The following INPP5A variants were observed in gnomAD, a reference collection of about 807,000 sequenced individuals.
INPP5A encodes inositol polyphosphate-5-phosphatase A.
Under a neutral mutation model 65.2 loss-of-function variants are expected in INPP5A, and 14 were observed. That is an observed-to-expected ratio of 0.21 (90% CI 0.14 to 0.34). The LOEUF (loss-of-function observed/expected upper bound fraction) is 0.34. INPP5A is among the 10% of genes least tolerant of loss of function. The pLI is 1.00. For synonymous variants in INPP5A, 207 were observed against 208.3 expected (o/e 0.99, Z 0.05); for missense variants, 431 against 545.6 (o/e 0.79, Z 2.09).
intron 8 of INPP5A, among the ~76,000 whole-genome samples, chr10:132,711,962 G>A (rs1185332824): frequency 2.6e-5 from 4 of 152,298 alleles, no homozygotes. Context: ...GGGGTCCGTG[G>A]GTGGGGCCCC....
intron 2 of INPP5A, among the ~76,000 whole-genome samples, chr10:132,626,648 C>G (rs2072187323): frequency 6.6e-6 from 1 of 152,236 alleles, no homozygotes; most frequent in African/African-American, 2.4e-5. Flanking sequence ...CTGTCAGTAT[C>G]CACAAGGTGG....
Position 132,750,574 on chromosome 10 carries a change from C to T in INPP5A, c.903+729C>T, listed in dbSNP as rs1210533682. Among the ~76,000 whole-genome samples, 6 of 152,350 alleles carry T rather than the reference C, an allele frequency of 3.9e-5. No homozygotes were observed. The East Asian group carries it at 7.7e-4, about 20-fold the overall frequency. ...AATTTTTATTTTTTATTGTGGTCTA[C>T]TTTTGTCCCATTTTTAATGTATTTA... On this transcript the variant is annotated intron_variant, in intron 11 of 15. Coordinates refer to ENST00000368594, the MANE Select transcript of INPP5A (RefSeq NM_005539.5).
Position 132,637,498 on chromosome 10 carries a change from A to C in INPP5A, c.118-8370A>C, listed in dbSNP as rs56223669. Among the ~76,000 whole-genome samples, 15 of 152,014 alleles carry C rather than the reference A, an allele frequency of 9.9e-5. No homozygotes were observed. Among genetic ancestry groups the C allele is most frequent in the African/African-American group, 3.6e-4 (15 of 41,308 alleles). ...GTGTCCTTTGGGTCCCTGATCCTCC[A>C]AATGTTCCTCCTTCTCTGCCTGTCT... On this transcript the variant is annotated intron_variant, in intron 2 of 15. Coordinates refer to ENST00000368594, the MANE Select transcript of INPP5A (RefSeq NM_005539.5). This position sits in a 1 kb window ranked among gnomAD's most constrained non-coding sequence, Gnocchi z 4.1.
At chr10:132,657,439 G>C (rs963079530) in intron 4 of INPP5A, among the ~76,000 whole-genome samples, 1 of 152,214 alleles carries the variant, frequency 6.6e-6, no homozygotes, top group Non-Finnish European at 1.5e-5. Context: ...GTGAAGTGGG[G>C]CACAGATGCC....
At chr10:132,572,995 T>C (rs1187166183) in intron 1 of INPP5A, among the ~76,000 whole-genome samples, 1 of 151,112 alleles carries the variant, frequency 6.6e-6, no homozygotes, top group East Asian at 2.0e-4. Flanking sequence ...TGTTGAGATG[T>C]TGGGGTGTGC....
chr10:132,753,399 C>T lies in INPP5A; in HGVS notation c.903+3554C>T, dbSNP rs1846533060. Among the ~76,000 whole-genome samples, 1 of 152,174 alleles carries T rather than the reference C, an allele frequency of 6.6e-6. No individual in the cohort carries two copies. The highest frequency in any genetic ancestry group is 2.4e-5 in the African/African-American group (1 of 41,432). On this transcript the variant is annotated intron_variant, in intron 11 of 15. Coordinates refer to ENST00000368594, the MANE Select transcript of INPP5A (RefSeq NM_005539.5). The surrounding 1 kb of genome is among the most constrained non-coding windows in gnomAD (Gnocchi z 5.3). ...GTCCATTGCATCCTTCATCAACCGC[C>T]GGTCTTGTACCCGTCTGACAGAAAT...
chr10:132,758,517 C>T (rs917967324), intron 11 of INPP5A, among the ~76,000 whole-genome samples: 3 of 122,452 alleles, frequency 2.4e-5, no homozygotes, highest in Non-Finnish European at 5.7e-5. Context: ...CCGGCCGACC[C>T]CACAGCCCAG....
In INPP5A at chr10:132,697,371, G is replaced by A. The variant is rs1261891175; in HGVS notation, c.371-445G>A. ...GCCCATCTGGGAGGCACCCTGCCGC[G>A]CGCTGCCTCTCTCACCATCACACAT... is the stretch of plus-strand genomic sequence containing the variant. On this transcript the variant is annotated intron_variant, in intron 5 of 15. Coordinates refer to ENST00000368594, the MANE Select transcript of INPP5A (RefSeq NM_005539.5). The surrounding 1 kb of genome is among the most constrained non-coding windows in gnomAD (Gnocchi z 5.6). Among the ~76,000 whole-genome samples, 7 of 152,260 alleles carry A rather than the reference G, an allele frequency of 4.6e-5. No individual in the cohort carries two copies. Among genetic ancestry groups the A allele is most frequent in the African/African-American group, 9.6e-5 (4 of 41,458 alleles).
At chr10:132,619,376 G>C (rs999131335) in intron 2 of INPP5A, among the ~76,000 whole-genome samples, 1 of 152,234 alleles carries the variant, frequency 6.6e-6, no homozygotes, top group African/African-American at 2.4e-5. Flanking sequence ...GGCTCAAGGG[G>C]TGGGCTTCTA....
chr10:132,647,390 T>C (rs1039000562), intron 3 of INPP5A, among the ~76,000 whole-genome samples: 6 of 152,202 alleles, frequency 3.9e-5, no homozygotes, highest in Non-Finnish European at 8.8e-5. Context: ...AGTGCTGGGA[T>C]TACAGGCATG....
chr10:132,559,098 C>G (rs140613430), intron 1 of INPP5A, among the ~76,000 whole-genome samples: 1 of 152,328 alleles, frequency 6.6e-6, no homozygotes, highest in Admixed American at 6.5e-5. Flanking sequence ...TGAGCTTGCC[C>G]GGCTGGCCAC....
Position 132,675,800 on chromosome 10 carries a change from T to C in INPP5A, c.307-14592T>C, listed in dbSNP as rs569709243. Among the ~76,000 whole-genome samples the C allele has an allele frequency of 6.6e-6, 1 of 152,246 alleles. No homozygotes were observed. The highest frequency in any genetic ancestry group is 2.1e-4 in the South Asian group (1 of 4,818). On this transcript the variant is annotated intron_variant, in intron 4 of 15. Transcript: ENST00000368594. The surrounding 1 kb of genome is among the most constrained non-coding windows in gnomAD (Gnocchi z 4.2). ...ACTCAATTAAGGCTTTTGAGTAGAG[T>C]TTTATATGCCCTGAGCTTTTGTACT...
chr10:132,573,826 T>C (rs1201829496), intron 1 of INPP5A, among the ~76,000 whole-genome samples: 1 of 136,142 alleles, frequency 7.3e-6, no homozygotes, highest in African/African-American at 2.9e-5. Context: ...TGAGGTTTTG[T>C]TGAGATGTTG....
At chr10:132,721,300 C>G (rs930697425) in intron 8 of INPP5A, among the ~76,000 whole-genome samples, 2 of 150,682 alleles carry the variant, frequency 1.3e-5, no homozygotes, top group Admixed American at 6.6e-5. Flanking sequence ...TGCCTGGGTT[C>G]TGTCTGGGCG....
Position 132,538,714 on chromosome 10 carries a change from A to T in INPP5A, c.75+543A>T, listed in dbSNP as rs2070872717. 6.6e-6 allele frequency among the ~76,000 whole-genome samples: 1 copy of T among 152,024 alleles called. No homozygotes were observed. The highest frequency in any genetic ancestry group is 3.2e-3 in the Middle Eastern group (1 of 316). ...AACTCTGGTTACAGAACCTGCTCTC[A>T]AACGTCTGTCTCTGGTCCCTGAGCC... On this transcript the variant is annotated intron_variant, in intron 1 of 15. Coordinates refer to ENST00000368594, the MANE Select transcript of INPP5A (RefSeq NM_005539.5). This position sits in a 1 kb window ranked among gnomAD's most constrained non-coding sequence, Gnocchi z 4.1.
In INPP5A at chr10:132,699,058, C is replaced by T. The variant is rs1156913680; in HGVS notation, c.474+1139C>T. 4.6e-5 allele frequency among the ~76,000 whole-genome samples: 7 copies of T among 152,380 alleles called. No homozygotes were observed. In the East Asian group the frequency reaches 1.4e-3, roughly 29 times the overall value. ...TCCGGCACCGCCCGTTTGCCTCCCT[C>T]CGCTCCGGATGTCCAGCAGTTGGAA... On this transcript the variant is annotated intron_variant, in intron 6 of 15. Transcript: ENST00000368594.
chr10:132,597,924 T>C (rs1468473305), intron 1 of INPP5A, among the ~76,000 whole-genome samples: 1 of 152,018 alleles, frequency 6.6e-6, no homozygotes, highest in Non-Finnish European at 1.5e-5. Context: ...CTGTGGTGCG[T>C]CCTGCGGGGC....
At chr10:132,717,653 G>C (rs1178836805) in intron 8 of INPP5A, among the ~76,000 whole-genome samples, 2 of 150,092 alleles carry the variant, frequency 1.3e-5, no homozygotes, top group East Asian at 3.9e-4. Context: ...GGGTTCTGTG[G>C]TGCCTGGGTT....
At position 132,598,835 on chromosome 10, in the gene INPP5A, G is replaced by A. The variant is rs544950314; in HGVS notation, c.76-9080G>A. 4.6e-5 allele frequency among the ~76,000 whole-genome samples: 7 copies of A among 152,338 alleles called. No individual in the cohort carries two copies. The South Asian group carries it at 1.5e-3, about 32-fold the overall frequency. On this transcript the variant is annotated intron_variant, in intron 1 of 15. Transcript: ENST00000368594. The stretch of plus-strand genomic sequence containing the variant: ...CTCAGAATCATGGCAGGAGGTGAAA[G>A]ACACTTCTTAAATGGCTGCAGCAAG...
Sources: allele counts gnomAD v4.1 joint callset (sites outside exome capture counted in the v4.1 genomes callset), GRCh38; gene constraint gnomAD v4.1.1; non-coding constraint Gnocchi (gnomAD v3.1); transcripts MANE v1.5; gene names NCBI Gene and HGNC (gene_info 2026-07-23, HGNC 2026-07-21).